The following GRID2 variants were observed in gnomAD, a reference collection of about 807,000 sequenced individuals.
GRID2 encodes glutamate receptor ionotropic, delta-2.
GRID2 carries 33 observed loss-of-function variants against 114.8 expected under a neutral mutation model. The ratio of observed to expected loss-of-function variants is 0.29; its 90% CI spans 0.22 to 0.38. The LOEUF is 0.38. Among genes scored for constraint, GRID2 ranks in the 10% least tolerant of loss-of-function variants. GRID2 has a pLI of 1.00. For synonymous variants in GRID2, 505 were observed against 449.9 expected (o/e 1.12, Z -1.55); for missense variants, 1,184 against 1,257.7 (o/e 0.94, Z 0.89).
At chr4:93,115,810 A>C (rs1733190574) in intron 4 of GRID2, among the ~76,000 whole-genome samples, 1 of 152,110 alleles carries the variant, frequency 6.6e-6, no homozygotes, top group Admixed American at 6.5e-5. Context: ...TACCAAGAGA[A>C]CAGTATGAGG....
intron 14 of GRID2, among the ~76,000 whole-genome samples, chr4:93,701,916 GATAATATAATCAGTAATTATAAT>G (rs1727545907): frequency 6.6e-6 from 1 of 151,938 alleles, no homozygotes; most frequent in East Asian, 1.9e-4. Flanking sequence ...ACATATTTAA[GATAATATAATCAGTAATTATAAT>G]ATAATATAAT....
In GRID2 at chr4:93,246,353, C is replaced by T. The variant is rs1031732316; in HGVS notation, c.1245+7863C>T. The stretch of plus-strand genomic sequence containing the variant: ...CTGTAATCCCATCACTTTGGGAGGC[C>T]GAAGCAGGTGGATCACGAGGTCAGG... On this transcript the variant is annotated intron_variant, in intron 8 of 15. Transcript: ENST00000282020. 5.3e-5 allele frequency among the ~76,000 whole-genome samples: 8 copies of T among 151,934 alleles called. No individual in the cohort carries two copies. In the South Asian group the frequency reaches 6.2e-4, roughly 12 times the overall value.
chr4:93,000,244 GT>G lies in GRID2; in HGVS notation c.245-84748del, dbSNP rs796314028. On this transcript the variant is annotated intron_variant, in intron 2 of 15. Coordinates refer to ENST00000282020, the MANE Select transcript of GRID2 (RefSeq NM_001510.4). ...AATAGTAACAGTGTTTTGTTTGTTT[GT>G]TTGTTTTGTCATCAAAGACACTATT... Among the ~76,000 whole-genome samples, 7 of 151,472 alleles carry G rather than the reference GT, an allele frequency of 4.6e-5. 1 individual carries two copies. In the South Asian group the frequency reaches 6.2e-4, roughly 13 times the overall value.
rs1413815396 is a variant in GRID2 at position 92,777,147 on chromosome 4, G to A, written c.244+186861G>A. Among the ~76,000 whole-genome samples, 3 of 151,128 alleles carry A rather than the reference G, an allele frequency of 2.0e-5. No homozygotes were observed. In the East Asian group the frequency reaches 5.8e-4, roughly 29 times the overall value. On this transcript the variant is annotated intron_variant, in intron 2 of 15. Coordinates refer to ENST00000282020, the MANE Select transcript of GRID2 (RefSeq NM_001510.4). ...AGATTCCCACTTTGCCTGGGAGACT[G>A]GTAAAAATTACCTTGAAATCTTTTT...
At chr4:92,841,652 G>T (rs1205999326) in intron 2 of GRID2, among the ~76,000 whole-genome samples, 1 of 152,050 alleles carries the variant, frequency 6.6e-6, no homozygotes, top group Non-Finnish European at 1.5e-5. Context: ...ATGCTCTCCA[G>T]TTCTCTGTGG....
intron 14 of GRID2, among the ~76,000 whole-genome samples, chr4:93,680,603 G>A (rs1379037540): frequency 2.0e-5 from 3 of 151,752 alleles, no homozygotes; most frequent in Non-Finnish European, 4.4e-5. Context: ...CTTCATCCCT[G>A]GGATGCAAGA....
chr4:93,316,239 A>G (rs1756571774), intron 8 of GRID2, among the ~76,000 whole-genome samples: 1 of 151,394 alleles, frequency 6.6e-6, no homozygotes, highest in African/African-American at 2.4e-5. Flanking sequence ...TTGCATTTCA[A>G]CAAGGCAAGA....
chr4:92,963,838 T>TA (rs1175902890), intron 2 of GRID2, among the ~76,000 whole-genome samples: 12 of 152,030 alleles, frequency 7.9e-5, no homozygotes, highest in Non-Finnish European at 1.5e-4. Flanking sequence ...ATTTCTTAGA[T>TA]AATATGACTT....
At chr4:92,923,689 G>A (rs75745101) in intron 2 of GRID2, among the ~76,000 whole-genome samples, 2,643 of 152,214 alleles carry the variant, frequency 0.017, 29 homozygotes, top group East Asian at 0.053. Flanking sequence ...CAATATAAAA[G>A]GAGGAAATAA....
chr4:93,550,749 A>G (rs1379306666), intron 13 of GRID2, among the ~76,000 whole-genome samples: 2 of 152,234 alleles, frequency 1.3e-5, no homozygotes, highest in Non-Finnish European at 2.9e-5. Context: ...TGAACATCAT[A>G]TTCCAGCAAT....
intron 9 of GRID2, among the ~76,000 whole-genome samples, chr4:93,420,032 C>T (rs1038275993): frequency 1.3e-5 from 2 of 151,990 alleles, no homozygotes; most frequent in Admixed American, 6.6e-5. Context: ...TACTGATAAA[C>T]ATAGCCGATT....
At chr4:93,290,835 T>C (rs1421206886) in intron 8 of GRID2, among the ~76,000 whole-genome samples, 1 of 151,614 alleles carries the variant, frequency 6.6e-6, no homozygotes, top group Admixed American at 6.6e-5. Flanking sequence ...GCTTCATTTA[T>C]ATCTTACCAT....
intron 2 of GRID2, among the ~76,000 whole-genome samples, chr4:92,782,406 A>T (rs532520385): frequency 6.6e-6 from 1 of 152,212 alleles, no homozygotes; most frequent in Admixed American, 6.5e-5. Context: ...CAAAATCAAG[A>T]TGATTGAAAA....
At chr4:93,683,623 C>T (rs1324325713) in intron 14 of GRID2, among the ~76,000 whole-genome samples, 3 of 152,032 alleles carry the variant, frequency 2.0e-5, no homozygotes, top group African/African-American at 7.2e-5. Context: ...TTCCTAACTA[C>T]TGAAACTTGG....
At chr4:93,318,150 C>T (rs963224199) in intron 8 of GRID2, among the ~76,000 whole-genome samples, 1 of 151,082 alleles carries the variant, frequency 6.6e-6, no homozygotes, top group African/African-American at 2.4e-5. Flanking sequence ...GCCTTGTAAA[C>T]TTTCCAATGA....
At chr4:93,591,524 G>A (rs11936023) in intron 13 of GRID2, among the ~76,000 whole-genome samples, 5,644 of 152,000 alleles carry the variant, frequency 0.037, 350 homozygotes, top group African/African-American at 0.13. Context: ...TCTCTTTTTT[G>A]GTTCTGTCTC....
At chr4:92,861,607 G>A (rs368190076) in intron 2 of GRID2, among the ~76,000 whole-genome samples, 8 of 151,870 alleles carry the variant, frequency 5.3e-5, no homozygotes, top group Admixed American at 1.3e-4. Flanking sequence ...CTTTTTAAGC[G>A]ATAGGCATGG....
At chr4:92,622,322 T>C (rs1357935197) in intron 2 of GRID2, among the ~76,000 whole-genome samples, 1 of 151,746 alleles carries the variant, frequency 6.6e-6, no homozygotes, top group Non-Finnish European at 1.5e-5. Flanking sequence ...TTAGGCATTA[T>C]TTTCTGAATT....
At chr4:93,678,143 G>A (rs1027737319) in intron 14 of GRID2, among the ~76,000 whole-genome samples, 1 of 152,128 alleles carries the variant, frequency 6.6e-6, no homozygotes, top group Non-Finnish European at 1.5e-5. Context: ...GAAGCCTCAG[G>A]AGCCGACGCG....
Sources: gnomAD v4.1 joint callset for allele counts (sites outside exome capture counted in the v4.1 genomes callset) on GRCh38, gnomAD v4.1.1 for gene constraint, MANE v1.5 for transcripts, NCBI Gene and HGNC (gene_info 2026-07-23, HGNC 2026-07-21) for gene names.